GPM6B: variants seen among roughly 807,000 people sequenced by gnomAD.
The protein encoded by GPM6B is neuronal membrane glycoprotein M6-b.
Under a neutral mutation model 27.2 loss-of-function variants are expected in GPM6B, and 4 were observed. The observed-to-expected ratio is 0.15, with a 90% CI of 0.07 to 0.34. GPM6B has a LOEUF of 0.34. Ranked by LOEUF, GPM6B falls within the 10% of genes least tolerant of loss-of-function variation. GPM6B has a pLI of 1.00. For synonymous variants in GPM6B, 124 were observed against 103.1 expected, an observed-to-expected ratio of 1.20 and a Z score of -1.23; for missense variants, 183 against 261.9, an observed-to-expected ratio of 0.70 and a Z score of 2.08.
chrX:13,871,072 CAAAAACA>C, intron 1 of GPM6B, among the ~76,000 whole-genome samples: 1 of 76,200 alleles, frequency 1.3e-5, no homozygotes, highest in Admixed American at 1.7e-4. Context: ...ATCTCTAAAA[CAAAAACA>C]AAAACAAAAC....
chrX:13,817,926 GT>G (rs1417809497), upstream of GPM6B, among the ~76,000 whole-genome samples: 2 of 112,227 alleles, frequency 1.8e-5, no homozygotes, highest in African/African-American at 6.5e-5. Flanking sequence ...AATCAAAATA[GT>G]TTTTTAATCG....
At chrX:13,802,916 C>T (rs1018049488) in intron 2 of GPM6B, among the ~76,000 whole-genome samples, 1 of 111,693 alleles carries the variant, frequency 9.0e-6, no homozygotes, top group Non-Finnish European at 1.9e-5. Context: ...CCACACGGCA[C>T]GACCAGACTG....
At chrX:13,777,499 G>A (rs775628921) in intron 5 of GPM6B, 74 bp from the exon 6 acceptor site, 27 of 650,393 alleles carry the variant, frequency 4.2e-5, no homozygotes, top group East Asian at 6.6e-5. Flanking sequence ...CCACCACTTC[G>A]GATGCCAGTT....
chrX:13,799,467 G>A lies in GPM6B; in HGVS notation c.181+8183C>T, dbSNP rs139347818. Reference sequence around the variant, plus strand: ...AGACTGGTCTCAAACTCCTGACAACGAGTAGCCAATCTGAACTTACTTAAC... The same window carrying A: ...AGACTGGTCTCAAACTCCTGACAACAAGTAGCCAATCTGAACTTACTTAAC... On this transcript the variant is annotated intron_variant, in intron 2 of 7. Coordinates refer to ENST00000316715, the MANE Select transcript of GPM6B (RefSeq NM_001001995.3). Among the ~76,000 whole-genome samples the A allele has an allele frequency of 4.5e-3, 485 of 107,578 alleles. 5 individuals carry two copies. The highest frequency in any genetic ancestry group is 7.4e-3 in the Non-Finnish European group (388 of 52,134). The allele number at this position is 107,578 out of a possible 115,157, so 93.4% of individuals were successfully genotyped here. A position where few individuals can be genotyped will look rare whatever the true frequency, so the allele number is the denominator to read the frequency against.
At chrX:13,920,668 G>C (rs1920961302) in intron 1 of GPM6B, among the ~76,000 whole-genome samples, 1 of 111,348 alleles carries the variant, frequency 9.0e-6, no homozygotes, top group South Asian at 3.8e-4. Context: ...GAGGAGGGCA[G>C]ATCACAAGGT....
At chrX:13,912,069 G>A (rs919552791) in intron 1 of GPM6B, among the ~76,000 whole-genome samples, 29 of 111,914 alleles carry the variant, frequency 2.6e-4, no homozygotes, top group Admixed American at 1.2e-3. Flanking sequence ...CACATAGGGC[G>A]TTATTTCCTT....
intron 4 of GPM6B, chrX:13,780,834 G>A (rs916073723): frequency 3.9e-5 from 9 of 230,488 alleles, no homozygotes; most frequent in African/African-American, 2.4e-4. Flanking sequence ...AGGGTGTGGA[G>A]TGCTAGTTTG....
chrX:13,930,246 C>G lies in GPM6B; in HGVS notation c.-198+8081G>C, dbSNP rs746901539. Among the ~76,000 whole-genome samples the G allele has an allele frequency of 1.4e-4, 16 of 111,777 alleles. No homozygotes were observed. The South Asian group carries it at 2.6e-3, about 18-fold the overall frequency. ...AGATATAATTATTACATGTAAGTAT[C>G]AAGCTATTAAAATAAATTTTAGAAA... On this transcript the variant is annotated intron_variant, in intron 1 of 6. Coordinates refer to the GPM6B transcript ENST00000398361.
At chrX:13,919,035 G>A (rs1271820200) in intron 1 of GPM6B, among the ~76,000 whole-genome samples, 1 of 111,568 alleles carries the variant, frequency 9.0e-6, no homozygotes, top group Non-Finnish European at 1.9e-5. Context: ...TTTAGGGAAG[G>A]GTCAATTGCG....
intron 1 of GPM6B, among the ~76,000 whole-genome samples, chrX:13,890,460 T>G (rs2050178494): frequency 8.9e-6 from 1 of 111,786 alleles, no homozygotes; most frequent in Non-Finnish European, 1.9e-5. Context: ...CTTTCTTGCA[T>G]GAGATCCAAG....
At chrX:13,850,732 C>A (rs183131557) in intron 1 of GPM6B, among the ~76,000 whole-genome samples, 1 of 112,229 alleles carries the variant, frequency 8.9e-6, no homozygotes, top group Non-Finnish European at 1.9e-5. Flanking sequence ...CAATGGAAGA[C>A]GTCAATGAAA....
At chrX:13,794,490 C>T (rs1442514663) in intron 2 of GPM6B, among the ~76,000 whole-genome samples, 1 of 111,585 alleles carries the variant, frequency 9.0e-6, no homozygotes, top group African/African-American at 3.3e-5. Flanking sequence ...GTCTGTGCAG[C>T]CCCGGCAGAC....
chrX:13,853,180 A>T (rs1432793573), intron 1 of GPM6B, among the ~76,000 whole-genome samples: 1 of 111,384 alleles, frequency 9.0e-6, no homozygotes, highest in East Asian at 2.8e-4. Flanking sequence ...ATATTCACTT[A>T]GGTACCTGCG....
At chrX:13,819,974 G>T (rs182456829), upstream of GPM6B, among the ~76,000 whole-genome samples, 22 of 111,826 alleles carry the variant, frequency 2.0e-4, no homozygotes, top group East Asian at 5.9e-3. Context: ...AGGAAAAAGA[G>T]GGTACTGTCA....
chrX:13,782,525 G>GT (rs796918459), intron 4 of GPM6B, among the ~76,000 whole-genome samples: 14 of 108,691 alleles, frequency 1.3e-4, no homozygotes, highest in East Asian at 8.7e-4. Flanking sequence ...GATGTTTTTG[G>GT]TTTTTTTTTC....
At chrX:13,825,334 T>C (rs2049360006) in intron 1 of GPM6B, among the ~76,000 whole-genome samples, 1 of 112,060 alleles carries the variant, frequency 8.9e-6, no homozygotes, top group Admixed American at 9.4e-5. Context: ...ACTTGAGCGT[T>C]ACCACCAGCA....
chrX:13,833,786 TTAGTCA>T (rs1484561970), intron 1 of GPM6B, among the ~76,000 whole-genome samples: 1 of 112,128 alleles, frequency 8.9e-6, no homozygotes, highest in African/African-American at 3.2e-5. Flanking sequence ...TTGAGGTCAG[TTAGTCA>T]TACACTCAAG....
upstream of GPM6B, chrX:13,938,423 G>A: frequency 2.4e-6 from 1 of 422,714 alleles, no homozygotes; most frequent in Non-Finnish European, 3.5e-6. Context: ...AGCGGGGGAG[G>A]GGCGGGACCC....
chrX:13,777,253 A>G (rs774307188), intron 6 of GPM6B, 99 bp downstream of exon 6: 36 of 595,110 alleles, frequency 6.0e-5, no homozygotes, highest in Admixed American at 3.5e-4. Flanking sequence ...GCTTTCCTTA[A>G]TGGCATTTTA....
Sources: allele counts gnomAD v4.1 joint callset (sites outside exome capture counted in the v4.1 genomes callset), GRCh38; gene constraint gnomAD v4.1.1; transcripts MANE v1.5; gene names NCBI Gene and HGNC (gene_info 2026-07-23, HGNC 2026-07-21).